Variants in DLG1 observed in about 807,000 individuals in gnomAD.
DLG1 encodes the protein discs large MAGUK scaffold protein 1, also known as disks large homolog 1.
In DLG1, 42 loss-of-function variants were observed where a neutral mutation model predicts 123.4. That is an observed-to-expected ratio of 0.34 (90% CI 0.27 to 0.44). DLG1 has a LOEUF of 0.44. DLG1 is among the 20% of genes least tolerant of loss of function. The probability of loss-of-function intolerance (pLI) is 1.00; values close to 1 mark genes in which losing one functional copy is unlikely to be tolerated. For missense variants in DLG1, 942 were observed against 1,082.6 expected, an observed-to-expected ratio of 0.87 and a Z score of 1.82; for synonymous variants, 317 against 356.2, an observed-to-expected ratio of 0.89 and a Z score of 1.24.
intron 15 of DLG1, among the ~76,000 whole-genome samples, chr3:197,088,815 A>G (rs80258325): frequency 0.013 from 1,944 of 152,354 alleles, 142 homozygotes; most frequent in Admixed American, 0.11. Context: ...ATGCAAGACA[A>G]TTATTAAGTC....
chr3:197,259,794 A>G (rs1758544528), intron 4 of DLG1, among the ~76,000 whole-genome samples: 1 of 152,186 alleles, frequency 6.6e-6, no homozygotes, highest in African/African-American at 2.4e-5. Context: ...CCACATCAAC[A>G]TCTTTCTAAA....
intron 18 of DLG1, 93 bp from the exon 19 acceptor site, chr3:197,069,353 T>C (rs1048054635): frequency 3.3e-5 from 24 of 734,300 alleles, no homozygotes; most frequent in Non-Finnish European, 4.8e-5. Context: ...AAGCCATATA[T>C]AACAAAATAA....
chr3:197,298,556 C>G lies in DLG1; in HGVS notation c.-52G>C. On this transcript the variant is annotated 5_prime_UTR_variant, in exon 1 of 25. Coordinates refer to ENST00000667157, the MANE Select transcript of DLG1 (RefSeq NM_001366207.1). ...CATACCGAGACACCCCTCAACCTCA[C>G]TCAGCAGTGCCGTTTCCAACTCCGC... is the stretch of plus-strand genomic sequence containing the variant. 1 of 398,676 alleles carries G rather than the reference C, an allele frequency of 2.5e-6. No individual in the cohort carries two copies. The highest frequency in any genetic ancestry group is 4.4e-6 in the Non-Finnish European group (1 of 226,114). The allele number at this position is 398,676 out of a possible 1,614,324, so 24.7% of individuals were successfully genotyped here.
Position 197,184,027 on chromosome 3 carries a change from T to A in DLG1, c.483+10398A>T, listed in dbSNP as rs895772302. On this transcript the variant is annotated intron_variant, in intron 5 of 24. Coordinates refer to ENST00000667157, the MANE Select transcript of DLG1 (RefSeq NM_001366207.1). ...ACCTGTTAGCTGTATGATGGCTGAG[T>A]TTATTTTTGCAGACAAAAAAGACGA... The A allele has an allele frequency of 6.1e-6, 8 of 1,309,598 alleles. No homozygotes were observed. The African/African-American group carries it at 1.1e-4, about 17-fold the overall frequency. The allele number at this position is 1,309,598 out of a possible 1,614,324, so 81.1% of individuals were successfully genotyped here.
Position 197,119,974 on chromosome 3 carries a change from T to G in DLG1, c.1166-444A>C, listed in dbSNP as rs553816223. On this transcript the variant is annotated intron_variant, in intron 11 of 24. Transcript: ENST00000667157. ...GCAAAAACGAAAAACAAGCAAAAAC[T>G]GTCGTCCAGGCGTAGTGGCTCACGC... 3.3e-5 allele frequency among the ~76,000 whole-genome samples: 5 copies of G among 152,220 alleles called. No homozygotes were observed. The South Asian group carries it at 1.0e-3, about 32-fold the overall frequency.
At chr3:197,056,674 T>C (rs368945491) in intron 23 of DLG1, among the ~76,000 whole-genome samples, 5 of 152,226 alleles carry the variant, frequency 3.3e-5, no homozygotes, top group East Asian at 3.8e-4. Context: ...TTCTGAAGTA[T>C]ATGTTTCAAA....
rs1050963467 is a variant in DLG1, at chr3:197,195,446, G to A, written c.319-857C>T. 2.6e-5 allele frequency among the ~76,000 whole-genome samples: 4 copies of A among 152,066 alleles called. No individual in the cohort carries two copies. The East Asian group carries it at 5.8e-4, about 22-fold the overall frequency. On this transcript the variant is annotated intron_variant, in intron 4 of 24. Coordinates refer to ENST00000667157, the MANE Select transcript of DLG1 (RefSeq NM_001366207.1). Reference sequence around the variant, plus strand: ...GACACATGCATGTTCACTGCAGAGCGATTCACAATAGCAAAGAAATGGAAT... The same window carrying A: ...GACACATGCATGTTCACTGCAGAGCAATTCACAATAGCAAAGAAATGGAAT...
intron 5 of DLG1, among the ~76,000 whole-genome samples, chr3:197,174,500 A>G (rs977887119): frequency 3.9e-5 from 6 of 151,976 alleles, no homozygotes; most frequent in Non-Finnish European, 7.3e-5. Context: ...TCCAGTTTGG[A>G]AAAAAAGTGA....
chr3:197,205,777 G>A (rs1027708531), intron 4 of DLG1, among the ~76,000 whole-genome samples: 27 of 152,184 alleles, frequency 1.8e-4, no homozygotes, highest in African/African-American at 6.0e-4. Context: ...TTCTGTAGTT[G>A]AGAAGTCCAA....
At chr3:197,229,016 C>T (rs576008110) in intron 4 of DLG1, among the ~76,000 whole-genome samples, 1 of 152,224 alleles carries the variant, frequency 6.6e-6, no homozygotes, top group East Asian at 1.9e-4. Flanking sequence ...AACAACTTTG[C>T]GCCCCCAGGG....
At chr3:197,295,556 G>T (rs1777024366) in intron 3 of DLG1, among the ~76,000 whole-genome samples, 1 of 151,668 alleles carries the variant, frequency 6.6e-6, no homozygotes, top group Non-Finnish European at 1.5e-5. Context: ...ACTTTTTGAG[G>T]TACCTGGACA....
At chr3:197,078,222 G>A (rs1263512510) in intron 17 of DLG1, among the ~76,000 whole-genome samples, 2 of 151,592 alleles carry the variant, frequency 1.3e-5, no homozygotes, top group Non-Finnish European at 2.9e-5. Flanking sequence ...GCTGAGGCAG[G>A]AGAATCACTT....
intron 5 of DLG1, among the ~76,000 whole-genome samples, chr3:197,162,362 A>T (rs1799144101): frequency 6.6e-6 from 1 of 152,210 alleles, no homozygotes; most frequent in African/African-American, 2.4e-5. Context: ...GTTATTTTTA[A>T]AAGGATGAAA....
chr3:197,225,334 C>T (rs1739298615), intron 4 of DLG1, among the ~76,000 whole-genome samples: 1 of 152,174 alleles, frequency 6.6e-6, no homozygotes, highest in Non-Finnish European at 1.5e-5. Context: ...ATATAGAACA[C>T]ATTACTAAAT....
chr3:197,180,089 G>T (rs1809374589), intron 5 of DLG1, among the ~76,000 whole-genome samples: 1 of 136,048 alleles, frequency 7.4e-6, no homozygotes, highest in Non-Finnish European at 1.5e-5. Flanking sequence ...GGCTTTTTGA[G>T]TATTTATAGT....
intron 22 of DLG1, among the ~76,000 whole-genome samples, chr3:197,064,307 C>T (rs1317596367): frequency 2.0e-5 from 3 of 151,880 alleles, no homozygotes; most frequent in Non-Finnish European, 4.4e-5. Context: ...AATTCTCCTG[C>T]CTCAGCCTCC....
intron 16 of DLG1, chr3:197,085,307 G>A: frequency 2.4e-6 from 1 of 409,560 alleles, no homozygotes. Context: ...TGTTGGAGGT[G>A]CAGAACTCAC....
chr3:197,049,724 C>T (rs140016973), intron 24 of DLG1, among the ~76,000 whole-genome samples: 2 of 152,130 alleles, frequency 1.3e-5, no homozygotes, highest in African/African-American at 4.8e-5. Flanking sequence ...CCAGCCTGGG[C>T]AGCAAGAGCA....
chr3:197,240,901 T>C (rs1286231907), intron 4 of DLG1, among the ~76,000 whole-genome samples: 4 of 129,674 alleles, frequency 3.1e-5, no homozygotes, highest in African/African-American at 1.2e-4. Flanking sequence ...AGATTGCCTA[T>C]AAGATATAGA....
Sources: allele counts gnomAD v4.1 joint callset (sites outside exome capture counted in the v4.1 genomes callset), GRCh38; gene constraint gnomAD v4.1.1; transcripts MANE v1.5; gene names NCBI Gene and HGNC (gene_info 2026-07-23, HGNC 2026-07-21).